Variants in MDN1 observed in about 807,000 individuals in gnomAD.
MDN1 encodes midasin AAA ATPase 1, also known as midasin.
A neutral mutation model predicts 669.2 loss-of-function variants in MDN1; 266 were observed. The ratio of observed to expected loss-of-function variants is 0.40; its 90% CI spans 0.36 to 0.44. The LOEUF is 0.44. MDN1 is among the 20% of genes least tolerant of loss of function. The pLI is 1.00. For synonymous variants in MDN1, 2,385 were observed against 2,457.1 expected (o/e 0.97, Z 0.87); for missense variants, 5,940 against 6,754.0 (o/e 0.88, Z 4.22).
chr6:89,643,712 G>T lies in MDN1; in HGVS notation c.*293C>A. 1 of 257,282 alleles carries T rather than the reference G, an allele frequency of 3.9e-6. No individual in the cohort carries two copies. Among genetic ancestry groups the T allele is most frequent in the Non-Finnish European group, 7.4e-6 (1 of 135,814 alleles). 15.9% of individuals were successfully genotyped at this position (257,282 alleles called of 1,614,324 possible). On this transcript the variant is annotated 3_prime_UTR_variant, in exon 102 of 102. Transcript: ENST00000369393. ...CCTGCAAAAGAAAACAGGCAGCTGGGCTCCAACGGTGGGGTATGACCTCCT... is the reference window on the plus strand; with the variant it reads ...CCTGCAAAAGAAAACAGGCAGCTGGTCTCCAACGGTGGGGTATGACCTCCT...
At chr6:89,652,811 G>A (rs994686564) in intron 94 of MDN1, among the ~76,000 whole-genome samples, 181 bp downstream of exon 94, 2 of 152,172 alleles carry the variant, frequency 1.3e-5, no homozygotes, top group Admixed American at 6.5e-5. Context: ...ACAGTATCAC[G>A]TGCTTGAAGA....
At chr6:89,754,046 T>C (rs759374939) in intron 21 of MDN1, 37 bp downstream of exon 21, 2 of 1,596,842 alleles carry the variant, frequency 1.3e-6, no homozygotes, top group African/African-American at 1.3e-5. Flanking sequence ...AACCCATCCA[T>C]TAAGCTCATA....
At position 89,671,069 on chromosome 6, in the gene MDN1, T is replaced by C. The variant is rs760885740; in HGVS notation, c.13806A>G (p.Gln4602=). 4 of 1,613,802 alleles carry C rather than the reference T, an allele frequency of 2.5e-6. No homozygotes were observed. Among genetic ancestry groups the C allele is most frequent in the South Asian group, 2.2e-5 (2 of 91,036 alleles). Residue 4602 remains glutamine (Q), a synonymous_variant, in exon 83 of 102, where the codon CAA becomes CAG. Transcript: ENST00000369393. Reference sequence around the variant, plus strand: ...CCAGGCGCACCAGCAAGGAACAGGATTGGCTGAAGAACTGAGACCAAAACA... The same window carrying C: ...CCAGGCGCACCAGCAAGGAACAGGACTGGCTGAAGAACTGAGACCAAAACA... ...GTAAKHLFFS[Q]SCSLLVRLVP... is the part of the protein sequence containing the mutation.
chr6:89,754,189 A>C lies in MDN1; in HGVS notation c.2858T>G (p.Val953Gly). ...GTGAGGTCTATGGCCAGTGCCATCC[A>C]CCAGTTTGGTCCCAGACTCTTTCCG... ...ALRKESGTKL[V>G]DGTGHRPHYS... is the part of the protein sequence containing the mutation. The change falls in exon 21 of 102, where the codon GTG becomes GGG. Residue 953 changes from valine (V) to glycine (G), a missense_variant. By Grantham distance (109) the Val-to-Gly change is moderately radical. Coordinates refer to ENST00000369393, the MANE Select transcript of MDN1 (RefSeq NM_014611.3). 6.2e-7 allele frequency: 1 copy of C among 1,614,116 alleles called. No individual in the cohort carries two copies. The highest frequency in any genetic ancestry group is 8.5e-7 in the Non-Finnish European group (1 of 1,179,984).
At chr6:89,741,195 A>G (rs962027142) in intron 31 of MDN1, among the ~76,000 whole-genome samples, 4 of 152,216 alleles carry the variant, frequency 2.6e-5, no homozygotes, top group East Asian at 3.9e-4. Flanking sequence ...CTGTACCACT[A>G]AACTCCAGCC....
chr6:89,732,189 T>G (rs1815646619), intron 34 of MDN1, among the ~76,000 whole-genome samples: 1 of 152,010 alleles, frequency 6.6e-6, no homozygotes. Flanking sequence ...AAAAACCCTT[T>G]GTTTAAGTGT....
In MDN1 at chr6:89,677,843, C is replaced by T. The variant is rs1811317869; in HGVS notation, c.12413-147G>A. 15 of 993,152 alleles carry T rather than the reference C, an allele frequency of 1.5e-5. 1 individual carries two copies. The South Asian group carries it at 2.1e-4, about 14-fold the overall frequency. The allele number at this position is 993,152 out of a possible 1,614,324, so 61.5% of individuals were successfully genotyped here. On this transcript the variant is annotated intron_variant, in intron 75 of 101. Coordinates refer to ENST00000369393, the MANE Select transcript of MDN1 (RefSeq NM_014611.3). ...TGCAGACTCTCAGGCTGCACCCACA[C>T]CAACTGAAACAGGATCTGTAGCTGC...
chr6:89,647,815 T>C (rs1304529377), intron 99 of MDN1, among the ~76,000 whole-genome samples: 1 of 152,052 alleles, frequency 6.6e-6, no homozygotes, highest in African/African-American at 2.4e-5. Context: ...TAGCCAGACA[T>C]GGTAGCATGC....
chr6:89,764,988 G>C (rs1817739419), intron 15 of MDN1, among the ~76,000 whole-genome samples: 1 of 152,200 alleles, frequency 6.6e-6, no homozygotes, highest in African/African-American at 2.4e-5. Flanking sequence ...GCTGGGCGCG[G>C]TGGCTCACGC....
In MDN1 at chr6:89,779,000, G is replaced by A. The variant is rs141591561; in HGVS notation, c.1725+1212C>T. Among the ~76,000 whole-genome samples the A allele has an allele frequency of 3.7e-3, 560 of 151,532 alleles. 3 individuals are homozygous for A. Among genetic ancestry groups the A allele is most frequent in the African/African-American group, 0.013 (532 of 41,400 alleles). On this transcript the variant is annotated intron_variant, in intron 11 of 101. Transcript: ENST00000369393. The stretch of plus-strand genomic sequence containing the variant: ...GCCAAAGAAAAAAAAAATTTTACAG[G>A]TGTAGAATCTGCATATAATCTATGC...
At chr6:89,817,461 G>C (rs1367562807) in intron 1 of MDN1, among the ~76,000 whole-genome samples, 1 of 152,154 alleles carries the variant, frequency 6.6e-6, no homozygotes, top group Non-Finnish European at 1.5e-5. Flanking sequence ...CAACTACTGA[G>C]AATCAGTTAG....
intron 67 of MDN1, among the ~76,000 whole-genome samples, chr6:89,687,776 C>T (rs963583962): frequency 2.6e-5 from 4 of 152,120 alleles, no homozygotes; most frequent in Non-Finnish European, 4.4e-5. Context: ...CATGAGGGCA[C>T]TGAGGGGAAC....
At chr6:89,772,425 T>A in intron 14 of MDN1, 148 bp downstream of exon 14, 1 of 734,922 alleles carries the variant, frequency 1.4e-6, no homozygotes. Flanking sequence ...AATAATCTAT[T>A]AACAGTAGTT....
intron 53 of MDN1, 70 bp downstream of exon 53, chr6:89,705,989 C>A: frequency 1.4e-6 from 2 of 1,393,446 alleles, no homozygotes; most frequent in South Asian, 1.6e-5. Context: ...TTAGTCTTAG[C>A]CCTAAGAATC....
intron 11 of MDN1, among the ~76,000 whole-genome samples, chr6:89,779,159 G>T (rs1818514357): frequency 6.6e-6 from 1 of 152,040 alleles, no homozygotes; most frequent in Non-Finnish European, 1.5e-5. Context: ...AAAACAATTT[G>T]CCAGTTCTCA....
At chr6:89,773,722 T>C (rs1277340841) in intron 13 of MDN1, among the ~76,000 whole-genome samples, 1 of 151,536 alleles carries the variant, frequency 6.6e-6, no homozygotes, top group Non-Finnish European at 1.5e-5. Context: ...CCCAGCACTT[T>C]GGGAGGTCAA....
chr6:89,768,738 C>G (rs1273532078), intron 15 of MDN1, among the ~76,000 whole-genome samples: 2 of 151,478 alleles, frequency 1.3e-5, no homozygotes, highest in Admixed American at 1.3e-4. Context: ...CCCTGTCCCC[C>G]CCCAAAAAAA....
chr6:89,704,099 G>A (rs1813363040), intron 53 of MDN1, among the ~76,000 whole-genome samples: 1 of 151,804 alleles, frequency 6.6e-6, no homozygotes, highest in African/African-American at 2.4e-5. Flanking sequence ...CTGAAAAACT[G>A]GCCAGGAACA....
At chr6:89,725,162 G>A in intron 38 of MDN1, 37 bp downstream of exon 38, 3 of 1,587,494 alleles carry the variant, frequency 1.9e-6, no homozygotes, top group East Asian at 4.5e-5. Flanking sequence ...TCCCCTCCGA[G>A]TCTATCTTTG....
Sources: gnomAD v4.1 joint callset for allele counts (sites outside exome capture counted in the v4.1 genomes callset) on GRCh38, gnomAD v4.1.1 for gene constraint, MANE v1.5 for transcripts, NCBI Gene and HGNC (gene_info 2026-07-23, HGNC 2026-07-21) for gene names.